HAUS6: variants seen among roughly 807,000 people sequenced by gnomAD.
HAUS6 encodes the protein HAUS augmin like complex subunit 6.
A neutral mutation model predicts 106.8 loss-of-function variants in HAUS6; 80 were observed. The observed-to-expected ratio is 0.75, with a 90% CI of 0.63 to 0.90. HAUS6 has a LOEUF of 0.90. Ranked by LOEUF, HAUS6 falls within the 40% of genes least tolerant of loss-of-function variation. The probability of loss-of-function intolerance (pLI) is 0.00; values close to 1 mark genes in which losing one functional copy is unlikely to be tolerated. For missense variants in HAUS6, 1,155 were observed against 1,118.1 expected, an observed-to-expected ratio of 1.03 and a Z score of -0.47; for synonymous variants, 356 against 379.1, an observed-to-expected ratio of 0.94 and a Z score of 0.71.
chr9:19,076,751 T>C (rs1413123093), intron 10 of HAUS6, 47 bp from the exon 11 acceptor site: 2 of 821,226 alleles, frequency 2.4e-6, no homozygotes, highest in South Asian at 2.8e-5. Context: ...ATTTGCTAAC[T>C]ACCACAATAA....
chr9:19,080,759 T>C, intron 8 of HAUS6, 87 bp from the exon 9 acceptor site: 1 of 761,628 alleles, frequency 1.3e-6, no homozygotes, highest in Non-Finnish European at 2.1e-6. Flanking sequence ...TTTTTACTAT[T>C]AAAGTTTACC....
chr9:19,087,020 G>A (rs952823438), intron 6 of HAUS6, 71 bp downstream of exon 6: 1 of 772,660 alleles, frequency 1.3e-6, no homozygotes, highest in Non-Finnish European at 2.3e-6. Context: ...GTGGGAGTCT[G>A]TTTCCTAGCC....
chr9:19,063,579 G>A lies in HAUS6; in HGVS notation c.1378C>T (p.Pro460Ser), dbSNP rs1284908023. 6.2e-7 allele frequency: 1 copy of A among 1,600,684 alleles called. No individual in the cohort carries two copies. Among genetic ancestry groups the A allele is most frequent in the Non-Finnish European group, 8.6e-7 (1 of 1,167,970 alleles). Residue 460 changes from proline to serine, a missense_variant and splice_region_variant, in exon 13 of 17, where the codon CCT (proline) becomes TCT (serine). Transcript: ENST00000380502. Reference protein sequence around the residue: ...LGALHDLANSPASFLSQSVSS... With the variant: ...LGALHDLANSSASFLSQSVSS... Reference sequence around the variant, plus strand: ...ACTGACTGCGACAAGAAAGAGGCAGGGCTAAAAGGAAAAAAGACAACAAAT... The same window carrying A: ...ACTGACTGCGACAAGAAAGAGGCAGAGCTAAAAGGAAAAAAGACAACAAAT...
intron 1 of HAUS6, among the ~76,000 whole-genome samples, chr9:19,100,544 G>A (rs1476609470): frequency 2.0e-5 from 3 of 152,118 alleles, no homozygotes; most frequent in Admixed American, 2.0e-4. Context: ...ACTAAAAATA[G>A]AAGTACCCTA....
intron 8 of HAUS6, among the ~76,000 whole-genome samples, chr9:19,080,930 G>T (rs1837131621): frequency 6.6e-6 from 1 of 151,978 alleles, no homozygotes; most frequent in African/African-American, 2.4e-5. Context: ...AAATTAGCTG[G>T]GCGTGGTGGC....
chr9:19,097,582 T>C (rs1001063456), intron 1 of HAUS6, among the ~76,000 whole-genome samples: 7 of 151,952 alleles, frequency 4.6e-5, no homozygotes, highest in Non-Finnish European at 5.9e-5. Context: ...ATGGGGATCA[T>C]TAAAAAGTCA....
chr9:19,090,025 G>C (rs1817711698), intron 4 of HAUS6, among the ~76,000 whole-genome samples: 1 of 151,842 alleles, frequency 6.6e-6, no homozygotes, highest in Non-Finnish European at 1.5e-5. Context: ...TTTTTGTAGA[G>C]ACTGGGTCTG....
intron 12 of HAUS6, chr9:19,065,097 G>C (rs925636042): frequency 6.6e-6 from 1 of 152,180 alleles, no homozygotes; most frequent in Non-Finnish European, 1.5e-5. Context: ...GGGTTCTATA[G>C]GTGACAAGTG....
chr9:19,094,075 G>A (rs1026641195), intron 3 of HAUS6, among the ~76,000 whole-genome samples: 1 of 152,186 alleles, frequency 6.6e-6, no homozygotes, highest in Non-Finnish European at 1.5e-5. Flanking sequence ...AACAAAAACT[G>A]TGCTATAAAC....
At chr9:19,090,709 G>A (rs1408077815) in intron 4 of HAUS6, among the ~76,000 whole-genome samples, 1 of 152,102 alleles carries the variant, frequency 6.6e-6, no homozygotes, top group Admixed American at 6.6e-5. Flanking sequence ...AAAGATAAGA[G>A]GAGATCACAT....
intron 16 of HAUS6, 112 bp downstream of exon 16, chr9:19,057,849 G>T: frequency 1.6e-6 from 1 of 629,384 alleles, no homozygotes; most frequent in Non-Finnish European, 2.8e-6. Flanking sequence ...AATGAAGGAA[G>T]GGGGAGCACA....
At chr9:19,093,445 G>A (rs1234065456) in intron 3 of HAUS6, 142 bp from the exon 4 acceptor site, 3 of 750,644 alleles carry the variant, frequency 4.0e-6, no homozygotes, top group East Asian at 2.7e-5. Flanking sequence ...ATAGGTTGGC[G>A]TGGGGTTCCC....
At chr9:19,077,539 A>T (rs1201048135) in intron 10 of HAUS6, among the ~76,000 whole-genome samples, 1 of 152,108 alleles carries the variant, frequency 6.6e-6, no homozygotes, top group Non-Finnish European at 1.5e-5. Context: ...TGTCTCAAAA[A>T]ATAATAATAA....
intron 11 of HAUS6, among the ~76,000 whole-genome samples, chr9:19,075,462 CTGCACA>C (rs1174175485): frequency 6.6e-6 from 1 of 152,202 alleles, no homozygotes; most frequent in Admixed American, 6.5e-5. Flanking sequence ...CTTGAAAATA[CTGCACA>C]TGTGGTGCCT....
At position 19,063,557 on chromosome 9, in the gene HAUS6, G is replaced by A. The variant is rs1258440804; in HGVS notation, c.1400C>T (p.Ser467Leu). 6.2e-7 allele frequency: 1 copy of A among 1,607,028 alleles called. No homozygotes were observed. The highest frequency in any genetic ancestry group is 8.5e-7 in the Non-Finnish European group (1 of 1,173,680). ...ACTGTTTCTATCTGATGATGAAACT[G>A]ACTGCGACAAGAAAGAGGCAGGGCT... The part of the protein sequence containing the change: ...ANSPASFLSQ[S>L]VSSSDRNSVT... The change falls in exon 13 of 17, where the codon TCA becomes TTA. Residue 467 changes from serine to leucine, a missense_variant. By Grantham distance (145) the Ser-to-Leu change is moderately radical. This residue lies in a region of HAUS6 where 761 missense variants were observed against 690.0 expected (regional missense o/e 1.10). Coordinates refer to ENST00000380502, the MANE Select transcript of HAUS6 (RefSeq NM_017645.5).
chr9:19,076,747 T>C (rs1357738196), intron 10 of HAUS6, 43 bp from the exon 11 acceptor site: 2 of 837,794 alleles, frequency 2.4e-6, no homozygotes, highest in Admixed American at 3.8e-5. Context: ...ACATATTTGC[T>C]AACTACCACA....
In HAUS6 at chr9:19,064,620, A is replaced by G. The variant is rs926290484; in HGVS notation, c.1377-1040T>C. Among the ~76,000 whole-genome samples the G allele has an allele frequency of 4.6e-5, 7 of 152,238 alleles. No individual in the cohort carries two copies. In the South Asian group the frequency reaches 1.4e-3, roughly 31 times the overall value. ...ACAGGATTATCAAAGACTGCTTTCA[A>G]CAGCATGCATGTTGGTACTTTCCTT... On this transcript the variant is annotated intron_variant, in intron 12 of 16. Transcript: ENST00000380502.
At chr9:19,070,086 G>A (rs775823805) in intron 12 of HAUS6, 133 bp downstream of exon 12, 1 of 622,966 alleles carries the variant, frequency 1.6e-6, no homozygotes. Flanking sequence ...CAATCCTCTT[G>A]TAATACAGAA....
chr9:19,063,249 G>T, intron 13 of HAUS6, 56 bp from the exon 14 acceptor site: 1 of 1,167,090 alleles, frequency 8.6e-7, no homozygotes, highest in Non-Finnish European at 1.2e-6. Context: ...TGATCCTGAA[G>T]CTGTCTTCAT....
Sources: allele counts gnomAD v4.1 joint callset (sites outside exome capture counted in the v4.1 genomes callset), GRCh38; gene constraint gnomAD v4.1.1; regional missense constraint gnomAD v4.1.1; transcripts MANE v1.5; gene names NCBI Gene and HGNC (gene_info 2026-07-23, HGNC 2026-07-21).